Variants in GSE1 observed in about 807,000 individuals in gnomAD.
GSE1 encodes the protein Gse1 coiled-coil protein, also known as genetic suppressor element 1.
Under a neutral mutation model 112.6 loss-of-function variants are expected in GSE1, and 32 were observed. The observed-to-expected ratio is 0.28, with a 90% CI of 0.21 to 0.38. GSE1 has a LOEUF of 0.38. GSE1 is among the 10% of genes least tolerant of loss of function. The pLI, the probability that GSE1 is intolerant of heterozygous loss-of-function variation, is 1.00. For synonymous variants in GSE1, 1,115 were observed against 735.6 expected (o/e 1.52, Z -8.35); for missense variants, 2,348 against 1,699.2 (o/e 1.38, Z -6.71).
chr16:85,344,717 A>G (rs1382910976), intron 1 of GSE1, among the ~76,000 whole-genome samples: 2 of 152,232 alleles, frequency 1.3e-5, no homozygotes, highest in Non-Finnish European at 2.9e-5. Flanking sequence ...ACTTGCCTGC[A>G]GGCACACAAC....
At chr16:85,244,978 G>C (rs1439066500) in intron 1 of GSE1, among the ~76,000 whole-genome samples, 1 of 144,520 alleles carries the variant, frequency 6.9e-6, no homozygotes, top group Non-Finnish European at 1.5e-5. Context: ...GCAACAGAGT[G>C]AGACTTCATC....
At chr16:85,550,630 C>T (rs924938878) in intron 2 of GSE1, among the ~76,000 whole-genome samples, 5 of 152,168 alleles carry the variant, frequency 3.3e-5, no homozygotes, top group Non-Finnish European at 5.9e-5. Context: ...GGGCACAGCT[C>T]CCAGCCGAGG....
intron 1 of GSE1, among the ~76,000 whole-genome samples, chr16:85,304,771 A>G (rs1406642179): frequency 5.9e-5 from 9 of 152,200 alleles, no homozygotes; most frequent in Non-Finnish European, 5.9e-5. Flanking sequence ...TTCACTGGGG[A>G]TAAGACAGCG....
chr16:85,430,343 A>G (rs75169711), intron 2 of GSE1, among the ~76,000 whole-genome samples: 2,328 of 152,278 alleles, frequency 0.015, 54 homozygotes, highest in African/African-American at 0.053. Flanking sequence ...ACACCCAGAC[A>G]GCCTCCCGTG....
intron 1 of GSE1, among the ~76,000 whole-genome samples, chr16:85,616,590 TG>T (rs1355242291): frequency 6.6e-6 from 1 of 152,204 alleles, no homozygotes; most frequent in African/African-American, 2.4e-5. Context: ...CTCCCTTTCC[TG>T]GTGTGCCGGG....
intron 2 of GSE1, among the ~76,000 whole-genome samples, chr16:85,449,820 T>G (rs1441032789): frequency 6.6e-6 from 1 of 152,216 alleles, no homozygotes; most frequent in African/African-American, 2.4e-5. Flanking sequence ...CATTTGAAGA[T>G]CCACCTTGCA....
chr16:85,627,044 C>CTTTTTTTTTTTTTT lies in GSE1; in HGVS notation c.8-6851_8-6838dup, dbSNP rs564272210. Among the ~76,000 whole-genome samples the CTTTTTTTTTTTTTT allele has an allele frequency of 7.5e-3, 188 of 25,068 alleles. 30 individuals are homozygous for CTTTTTTTTTTTTTT. The highest frequency in any genetic ancestry group is 0.013 in the East Asian group (7 of 554). The allele number at this position is 25,068 out of a possible 152,430, so 16.4% of individuals were successfully genotyped here. The stretch of plus-strand genomic sequence containing the variant: ...GGACTTTGCTTCCTTTTCTTCTTGC[C>CTTTTTTTTTTTTTT]TTTTTTTTTTTTTTTTTTTTTTTTT... On this transcript the variant is annotated intron_variant, in intron 1 of 15. Coordinates refer to ENST00000253458, the MANE Select transcript of GSE1 (RefSeq NM_014615.5).
chr16:85,408,263 C>T (rs1182451898), intron 2 of GSE1, among the ~76,000 whole-genome samples: 3 of 1,728 alleles, frequency 1.7e-3, no homozygotes, highest in African/African-American at 0.011. Flanking sequence ...TCAGGCCCCC[C>T]GGATAATCCT....
rs1359332696 is a variant in GSE1 at position 85,630,592 on chromosome 16, C to G, written c.8-3322C>G. ...TCACCCTCCTACTTACCTGGGATTA[C>G]AGGTGTGCCCACCATGCCCAGGATG... On this transcript the variant is annotated intron_variant, in intron 1 of 15. Coordinates refer to ENST00000253458, the MANE Select transcript of GSE1 (RefSeq NM_014615.5). Among the ~76,000 whole-genome samples the G allele has an allele frequency of 2.6e-5, 4 of 152,340 alleles. No homozygotes were observed. In the East Asian group the frequency reaches 5.8e-4, roughly 22 times the overall value.
At chr16:85,367,942 T>G (rs1043475818) in intron 2 of GSE1, among the ~76,000 whole-genome samples, 2 of 149,742 alleles carry the variant, frequency 1.3e-5, no homozygotes, top group Non-Finnish European at 3.0e-5. Context: ...CTCTGCCTCC[T>G]GGGTTCAAGT....
intron 2 of GSE1, among the ~76,000 whole-genome samples, chr16:85,383,190 A>G (rs1333070812): frequency 6.6e-6 from 1 of 152,050 alleles, no homozygotes; most frequent in Non-Finnish European, 1.5e-5. Flanking sequence ...ACATTTGCAC[A>G]CACACATCCA....
intron 2 of GSE1, among the ~76,000 whole-genome samples, chr16:85,524,253 C>T (rs759527133): frequency 5.9e-5 from 9 of 152,054 alleles, no homozygotes; most frequent in Non-Finnish European, 1.2e-4. Flanking sequence ...CGCGGGGTGG[C>T]GGGGATGGTA....
At chr16:85,665,429 G>A (rs1284412587) in intron 12 of GSE1, among the ~76,000 whole-genome samples, 4 of 152,218 alleles carry the variant, frequency 2.6e-5, no homozygotes, top group African/African-American at 7.2e-5. Context: ...TCACATGGAG[G>A]CCAATCCAAT....
At chr16:85,337,880 A>G (rs1473748984) in intron 1 of GSE1, among the ~76,000 whole-genome samples, 4 of 152,212 alleles carry the variant, frequency 2.6e-5, no homozygotes, top group African/African-American at 7.2e-5. Flanking sequence ...TCTTTCTGAA[A>G]ACCACTGGCC....
At chr16:85,397,910 G>T (rs1055106899) in intron 2 of GSE1, among the ~76,000 whole-genome samples, 1 of 151,872 alleles carries the variant, frequency 6.6e-6, no homozygotes, top group Admixed American at 6.6e-5. Context: ...CAGACCAGGG[G>T]CTGCCCCTTA....
intron 2 of GSE1, among the ~76,000 whole-genome samples, chr16:85,442,935 G>A (rs1043506100): frequency 2.6e-5 from 4 of 152,162 alleles, no homozygotes; most frequent in Admixed American, 6.5e-5. Context: ...TTGGTGACCC[G>A]TGGTGTCCCG....
At chr16:85,598,761 C>T (rs1223005532) in intron 1 of GSE1, among the ~76,000 whole-genome samples, 1 of 152,258 alleles carries the variant, frequency 6.6e-6, no homozygotes, top group Non-Finnish European at 1.5e-5. Context: ...CGGATCTTGG[C>T]TGTCACCTCT....
chr16:85,310,481 C>T (rs1406846280), intron 1 of GSE1, among the ~76,000 whole-genome samples: 3 of 151,700 alleles, frequency 2.0e-5, no homozygotes, highest in Non-Finnish European at 2.9e-5. Context: ...CCCTCCCCTC[C>T]CCTGCCGTGC....
intron 1 of GSE1, among the ~76,000 whole-genome samples, chr16:85,313,518 C>G (rs927417206): frequency 1.3e-5 from 2 of 152,154 alleles, no homozygotes; most frequent in African/African-American, 4.8e-5. Flanking sequence ...CAGAATATTA[C>G]CACCCCCCAC....
Sources: gnomAD v4.1 joint callset for allele counts (sites outside exome capture counted in the v4.1 genomes callset) on GRCh38, gnomAD v4.1.1 for gene constraint, MANE v1.5 for transcripts, NCBI Gene and HGNC (gene_info 2026-07-23, HGNC 2026-07-21) for gene names.